The following SLC14A2 variants were observed in gnomAD, a reference collection of about 807,000 sequenced individuals.
The protein encoded by SLC14A2 is urea transporter 2.
In SLC14A2, 91 loss-of-function variants were observed where a neutral mutation model predicts 104.6. The ratio of observed to expected loss-of-function variants is 0.87; its 90% confidence interval spans 0.73 to 1.04. The LOEUF is 1.04. SLC14A2 is among the 50% of genes least tolerant of loss of function. The probability of loss-of-function intolerance (pLI) is 0.00; values close to 1 mark genes in which losing one functional copy is unlikely to be tolerated. For synonymous variants in SLC14A2, 476 were observed against 466.4 expected (o/e 1.02, Z -0.27); for missense variants, 1,189 against 1,156.0 (o/e 1.03, Z -0.41).
intron 1 of SLC14A2, among the ~76,000 whole-genome samples, chr18:45,617,088 C>T (rs187215025): frequency 2.0e-5 from 3 of 152,216 alleles, no homozygotes; most frequent in Admixed American, 2.0e-4. Context: ...ACAGTGGAGA[C>T]TCCATCTAAA....
At chr18:45,467,027 G>A (rs1454943200) in intron 1 of SLC14A2, among the ~76,000 whole-genome samples, 1 of 152,114 alleles carries the variant, frequency 6.6e-6, no homozygotes, top group Non-Finnish European at 1.5e-5. Flanking sequence ...GACTTTTGGG[G>A]TATCTAAGCA....
intron 4 of SLC14A2, 90 bp from the exon 5 acceptor site, chr18:45,632,260 C>A: frequency 6.8e-7 from 1 of 1,478,852 alleles, no homozygotes; most frequent in Non-Finnish European, 9.1e-7. Flanking sequence ...AAGGAATCAT[C>A]TAAATTAAGC....
At chr18:45,382,903 A>C (rs184161823) in intron 1 of SLC14A2, among the ~76,000 whole-genome samples, 1 of 152,348 alleles carries the variant, frequency 6.6e-6, no homozygotes, top group African/African-American at 2.4e-5. Context: ...ATCTAGTCCA[A>C]CAATAGTAAG....
At chr18:45,362,468 G>A (rs2085622113) in intron 1 of SLC14A2, among the ~76,000 whole-genome samples, 1 of 152,054 alleles carries the variant, frequency 6.6e-6, no homozygotes, top group South Asian at 2.1e-4. Flanking sequence ...GAGTCAGCAG[G>A]GCTATTCGCA....
intron 1 of SLC14A2, among the ~76,000 whole-genome samples, chr18:45,235,469 G>A (rs1484554864): frequency 6.6e-6 from 1 of 151,950 alleles, no homozygotes; most frequent in Non-Finnish European, 1.5e-5. Context: ...ATAGTAAATT[G>A]TTGTTAACTA....
intron 10 of SLC14A2, among the ~76,000 whole-genome samples, chr18:45,653,561 C>A (rs2045777702): frequency 6.6e-6 from 1 of 152,086 alleles, no homozygotes; most frequent in Admixed American, 6.5e-5. Context: ...GATTGGGCCC[C>A]CTCCCCAAAC....
intron 1 of SLC14A2, among the ~76,000 whole-genome samples, chr18:45,216,108 A>G (rs9807269): frequency 0.078 from 11,803 of 152,206 alleles, 573 homozygotes; most frequent in African/African-American, 0.13. Context: ...TTTTTTCCCT[A>G]TAACTTCTAT....
intron 1 of SLC14A2, among the ~76,000 whole-genome samples, chr18:45,400,872 G>T (rs576686986): frequency 3.9e-5 from 6 of 152,242 alleles, no homozygotes; most frequent in Non-Finnish European, 8.8e-5. Context: ...ATGCTCGGAC[G>T]TGTCCTAGAT....
In SLC14A2 at chr18:45,231,720, G is replaced by A. The variant is rs573749609; in HGVS notation, c.-125+18529G>A. Among the ~76,000 whole-genome samples, 4 of 152,322 alleles carry A rather than the reference G, an allele frequency of 2.6e-5. No individual in the cohort carries two copies. The South Asian group carries it at 8.3e-4, about 32-fold the overall frequency. ...ATGATCAATAATAGTGCTGGCAAGT[G>A]AGGGGCATGTTTGGAGAATGACACA... On this transcript the variant is annotated intron_variant, in intron 1 of 20. Coordinates refer to the SLC14A2 transcript ENST00000586448.
intron 1 of SLC14A2, among the ~76,000 whole-genome samples, chr18:45,299,663 T>C (rs1331713140): frequency 6.6e-6 from 1 of 152,196 alleles, no homozygotes; most frequent in Non-Finnish European, 1.5e-5. Context: ...GGTTTTGCCA[T>C]GTTGGCCAGG....
chr18:45,181,549 G>A, the SLC14A2 span, among the ~76,000 whole-genome samples: 1 of 152,152 alleles, frequency 6.6e-6, no homozygotes, highest in South Asian at 2.1e-4. Flanking sequence ...TTCCAAACCT[G>A]CTTTTATCAG....
intron 2 of SLC14A2, among the ~76,000 whole-genome samples, chr18:45,486,754 G>T (rs778181472): frequency 6.6e-6 from 1 of 152,120 alleles, no homozygotes; most frequent in Non-Finnish European, 1.5e-5. Flanking sequence ...TCTCAAATAG[G>T]TTTTCCCAGA....
At chr18:45,596,830 A>G (rs1251803646) in intron 2 of SLC14A2, among the ~76,000 whole-genome samples, 1 of 152,202 alleles carries the variant, frequency 6.6e-6, no homozygotes, top group African/African-American at 2.4e-5. Flanking sequence ...TAATTGATCA[A>G]CTGGGGACTG....
At chr18:45,210,710 A>G (rs2083954290), upstream of SLC14A2, among the ~76,000 whole-genome samples, 5 of 152,158 alleles carry the variant, frequency 3.3e-5, no homozygotes, top group South Asian at 8.3e-4. Flanking sequence ...CTTGGTTTTG[A>G]GTTTTTGCTC....
chr18:45,618,633 C>T (rs1321830152), intron 1 of SLC14A2, among the ~76,000 whole-genome samples: 1 of 130,634 alleles, frequency 7.7e-6, no homozygotes, highest in African/African-American at 2.9e-5. Flanking sequence ...TGCACCATTG[C>T]ACTCCAAGCT....
At position 45,418,714 on chromosome 18, in the gene SLC14A2, G is replaced by C. The variant is rs115868779; in HGVS notation, c.-124-64519G>C. Among the ~76,000 whole-genome samples the C allele has an allele frequency of 8.4e-4, 128 of 152,332 alleles. 1 individual carries two copies. Among genetic ancestry groups the C allele is most frequent in the African/African-American group, 2.9e-3 (122 of 41,584 alleles). Reference sequence around the variant, plus strand: ...AGCAAAATATTGATGTGATCAAAGTGATAGAAAATTTAAATGAGACTGGGG... The same window carrying C: ...AGCAAAATATTGATGTGATCAAAGTCATAGAAAATTTAAATGAGACTGGGG... On this transcript the variant is annotated intron_variant, in intron 1 of 20. Coordinates refer to the SLC14A2 transcript ENST00000586448.
chr18:45,674,755 G>A lies in SLC14A2; in HGVS notation c.2512+938G>A, dbSNP rs141511152. Among the ~76,000 whole-genome samples the A allele has an allele frequency of 6.8e-3, 1,040 of 152,236 alleles. 9 individuals are homozygous for A. Among genetic ancestry groups the A allele is most frequent in the Non-Finnish European group, 0.012 (788 of 68,018 alleles). Reference sequence around the variant, plus strand: ...GTATTACTATTCGTATTTTGCAAACGAGGAAAAGTTGTGTCAAAGAGCAAG... The same window carrying A: ...GTATTACTATTCGTATTTTGCAAACAAGGAAAAGTTGTGTCAAAGAGCAAG... On this transcript the variant is annotated intron_variant, in intron 18 of 19. Coordinates refer to ENST00000255226, the MANE Select transcript of SLC14A2 (RefSeq NM_007163.4).
upstream of SLC14A2, among the ~76,000 whole-genome samples, chr18:45,612,531 C>T (rs145381870): frequency 5.2e-4 from 79 of 152,318 alleles, no homozygotes; most frequent in Non-Finnish European, 9.0e-4. Context: ...TTAATATGTG[C>T]TAGGCACTGC....
chr18:45,595,266 G>A (rs1599043559), intron 2 of SLC14A2, among the ~76,000 whole-genome samples: 2 of 152,158 alleles, frequency 1.3e-5, no homozygotes, highest in South Asian at 4.1e-4. Flanking sequence ...CTAGAAAAAT[G>A]ATCTTCACAA....
Sources: allele counts gnomAD v4.1 joint callset (sites outside exome capture counted in the v4.1 genomes callset), GRCh38; gene constraint gnomAD v4.1.1; transcripts MANE v1.5; gene names NCBI Gene and HGNC (gene_info 2026-07-23, HGNC 2026-07-21).